SHROOM3: variants seen among roughly 807,000 people sequenced by gnomAD.
SHROOM3 encodes protein Shroom3.
In SHROOM3, 47 loss-of-function variants were observed where a neutral mutation model predicts 138.6. The ratio of observed to expected loss-of-function variants is 0.34; its 90% CI spans 0.27 to 0.43. SHROOM3 has a LOEUF of 0.43. Among genes scored for constraint, SHROOM3 ranks in the 20% least tolerant of loss-of-function variants. SHROOM3 has a pLI of 1.00. For missense variants in SHROOM3, 2,491 were observed against 2,596.5 expected (o/e 0.96, Z 0.88); for synonymous variants, 1,062 against 1,063.3 (o/e 1.00, Z 0.02).
At chr4:76,583,900 A>G (rs1023090569) in intron 2 of SHROOM3, among the ~76,000 whole-genome samples, 5 of 152,238 alleles carry the variant, frequency 3.3e-5, no homozygotes, top group African/African-American at 1.2e-4. Context: ...GGTTCAATCT[A>G]GTATTACTAA....
rs747862563 is a variant in SHROOM3, at chr4:76,555,759, C to T, written c.319C>T (p.Arg107Cys). The change falls in exon 2 of 11, where the codon CGC becomes TGC. Residue 107 changes from arginine to cysteine, a missense_variant. Physicochemically the swap from Arg to Cys is radical, Grantham distance 180. Transcript: ENST00000296043. ...CTACAAGACCCTCAGGCTGGTAGTG[C>T]GCAGGTAGGTGGCAGACCCCCACCC... Reference protein sequence around the residue: ...GSYKTLRLVVRRDVCTDPGHA... With the variant: ...GSYKTLRLVVCRDVCTDPGHA... The T allele has an allele frequency of 1.9e-5, 31 of 1,612,508 alleles. No individual in the cohort carries two copies. Among genetic ancestry groups the T allele is most frequent in the African/African-American group, 1.6e-4 (12 of 74,914 alleles).
At chr4:76,438,521 G>A (rs1052258765) in intron 1 of SHROOM3, among the ~76,000 whole-genome samples, 6 of 152,282 alleles carry the variant, frequency 3.9e-5, no homozygotes, top group East Asian at 1.9e-4. Context: ...TCCAAGAGTC[G>A]TACTGTTCCG....
intron 2 of SHROOM3, among the ~76,000 whole-genome samples, chr4:76,564,104 C>T (rs965275068): frequency 6.6e-6 from 1 of 152,202 alleles, no homozygotes; most frequent in Non-Finnish European, 1.5e-5. Context: ...TCCCATGCCC[C>T]GCTCTGCTCT....
chr4:76,513,677 G>C (rs1732385863), intron 1 of SHROOM3, among the ~76,000 whole-genome samples: 1 of 152,136 alleles, frequency 6.6e-6, no homozygotes, highest in Non-Finnish European at 1.5e-5. Flanking sequence ...CAGGAAACAA[G>C]AACTGGGTAA....
chr4:76,483,129 C>T (rs1731652552), intron 1 of SHROOM3, among the ~76,000 whole-genome samples: 1 of 152,140 alleles, frequency 6.6e-6, no homozygotes, highest in Non-Finnish European at 1.5e-5. Flanking sequence ...GCAATGGCAA[C>T]AAAAGCCAAA....
intron 2 of SHROOM3, among the ~76,000 whole-genome samples, chr4:76,641,915 G>A (rs1366967988): frequency 6.6e-6 from 1 of 152,178 alleles, no homozygotes; most frequent in Non-Finnish European, 1.5e-5. Flanking sequence ...CAGGTGCTGG[G>A]GAGGGGAAAC....
At chr4:76,526,424 G>C (rs574999961) in intron 1 of SHROOM3, among the ~76,000 whole-genome samples, 1 of 152,238 alleles carries the variant, frequency 6.6e-6, no homozygotes, top group East Asian at 1.9e-4. Context: ...TCCCCTGTGC[G>C]CCAGCCAGTT....
chr4:76,558,473 T>C (rs1733531952), intron 2 of SHROOM3, among the ~76,000 whole-genome samples: 1 of 152,236 alleles, frequency 6.6e-6, no homozygotes, highest in Non-Finnish European at 1.5e-5. Context: ...ATTGCCATAA[T>C]ACCATATATG....
chr4:76,459,782 C>T (rs1731103938), intron 1 of SHROOM3, among the ~76,000 whole-genome samples: 1 of 152,098 alleles, frequency 6.6e-6, no homozygotes, highest in African/African-American at 2.4e-5. Context: ...ATTAGTATTG[C>T]AGCTTACTTG....
At chr4:76,771,386 T>C (rs1469255181) in intron 10 of SHROOM3, among the ~76,000 whole-genome samples, 1 of 150,992 alleles carries the variant, frequency 6.6e-6, no homozygotes, top group Non-Finnish European at 1.5e-5. Context: ...AAAGATGTAC[T>C]GCTGTACTGC....
chr4:76,689,641 C>T, intron 2 of SHROOM3: 1 of 985,418 alleles, frequency 1.0e-6, no homozygotes, highest in Non-Finnish European at 1.2e-6. Context: ...GAAGTTTGAA[C>T]TTGGCGTCGG....
chr4:76,585,655 C>A (rs1172683615), intron 2 of SHROOM3, among the ~76,000 whole-genome samples: 1 of 152,098 alleles, frequency 6.6e-6, no homozygotes, highest in East Asian at 1.9e-4. Context: ...TTTTAAGATG[C>A]GATGTGGTGT....
intron 2 of SHROOM3, among the ~76,000 whole-genome samples, chr4:76,593,335 C>A (rs1347096468): frequency 6.6e-6 from 1 of 152,078 alleles, no homozygotes; most frequent in East Asian, 1.9e-4. Context: ...AGAAATAACC[C>A]CTAGAGGATT....
intron 2 of SHROOM3, among the ~76,000 whole-genome samples, chr4:76,670,003 A>T (rs1192645547): frequency 6.6e-6 from 1 of 152,194 alleles, no homozygotes; most frequent in African/African-American, 2.4e-5. Flanking sequence ...CATTTCTGTG[A>T]ATTAGGTATC....
intron 2 of SHROOM3, among the ~76,000 whole-genome samples, chr4:76,696,598 C>G (rs2110110692): frequency 6.6e-6 from 1 of 152,302 alleles, no homozygotes; most frequent in Non-Finnish European, 1.5e-5. Context: ...CTGGCCTGGC[C>G]TGGCGTCCCT....
intron 3 of SHROOM3, among the ~76,000 whole-genome samples, chr4:76,728,788 CT>C (rs957425134): frequency 3.2e-4 from 49 of 152,272 alleles, no homozygotes; most frequent in African/African-American, 1.0e-3. Flanking sequence ...GGCTCCCTTC[CT>C]CACCACCATG....
At chr4:76,666,405 A>C (rs1223822751) in intron 2 of SHROOM3, among the ~76,000 whole-genome samples, 1 of 152,130 alleles carries the variant, frequency 6.6e-6, no homozygotes, top group African/African-American at 2.4e-5. Context: ...AGTAGGTGGG[A>C]CTGCAGGCAT....
At chr4:76,710,337 C>G in intron 3 of SHROOM3, 50 bp downstream of exon 3, 1 of 1,607,698 alleles carries the variant, frequency 6.2e-7, no homozygotes, top group South Asian at 1.1e-5. Flanking sequence ...GAACCCAGTC[C>G]AAAAAGCCAC....
In SHROOM3 at chr4:76,484,572, AAAACAAAC is replaced by A. The variant is rs142274232; in HGVS notation, c.168+48384_168+48391del. On this transcript the variant is annotated intron_variant, in intron 1 of 10. Transcript: ENST00000296043. ...GGCTACAGCCTGAGACCCTTACTCT[AAAACAAAC>A]AAACAAACAAACAAACAAACAAACA... Among the ~76,000 whole-genome samples the A allele has an allele frequency of 4.9e-3, 721 of 147,644 alleles. 6 individuals are homozygous for A. The highest frequency in any genetic ancestry group is 0.013 in the African/African-American group (523 of 39,268).
Sources: gnomAD v4.1 joint callset for allele counts (sites outside exome capture counted in the v4.1 genomes callset) on GRCh38, gnomAD v4.1.1 for gene constraint, MANE v1.5 for transcripts, NCBI Gene and HGNC (gene_info 2026-07-23, HGNC 2026-07-21) for gene names.